Variants in BTBD1 observed in about 807,000 individuals in gnomAD.
The protein encoded by BTBD1 is BTB domain containing 1.
BTBD1 carries 34 observed loss-of-function variants against 48.0 expected under a neutral mutation model. That is an observed-to-expected ratio of 0.71 (90% CI 0.54 to 0.94). BTBD1 has a LOEUF of 0.94. Ranked by LOEUF, BTBD1 falls within the 40% of genes least tolerant of loss-of-function variation. BTBD1 has a pLI of 0.00. For missense variants in BTBD1, 543 were observed against 625.6 expected, an observed-to-expected ratio of 0.87 and a Z score of 1.41; for synonymous variants, 261 against 242.1, an observed-to-expected ratio of 1.08 and a Z score of -0.72.
intron 3 of BTBD1, chr15:83,044,669 G>T: frequency 1.3e-6 from 2 of 1,512,026 alleles, no homozygotes; most frequent in Non-Finnish European, 9.1e-7. Flanking sequence ...AGTGGGATGG[G>T]AAGGAAAACA....
chr15:83,056,890 T>C (rs2033096503), intron 1 of BTBD1, among the ~76,000 whole-genome samples: 2 of 152,026 alleles, frequency 1.3e-5, no homozygotes, highest in Non-Finnish European at 2.9e-5. Context: ...AGAGACAGGT[T>C]TCACCATATT....
chr15:83,016,660 GTTAA>G lies in BTBD1; in HGVS notation c.*1403_*1406del, dbSNP rs2032172679. 6.6e-6 allele frequency: 1 copy of G among 152,014 alleles called. No individual in the cohort carries two copies. The highest frequency in any genetic ancestry group is 2.4e-5 in the African/African-American group (1 of 41,402). 9.4% of individuals were successfully genotyped at this position (152,014 alleles called of 1,614,324 possible). On this transcript the variant is annotated 3_prime_UTR_variant, in exon 8 of 8. Coordinates refer to ENST00000261721, the MANE Select transcript of BTBD1 (RefSeq NM_025238.4). ...AATGGTTACTACAGAGTGTTTACTG[GTTAA>G]TTTTTAGTTAACCAGAACCACACAT... is the stretch of plus-strand genomic sequence containing the variant.
intron 5 of BTBD1, chr15:83,028,519 T>C (rs941311932): frequency 6.6e-6 from 1 of 152,176 alleles, no homozygotes; most frequent in Non-Finnish European, 1.5e-5. Flanking sequence ...GATGCCTATA[T>C]AAGGGTTATG....
intron 2 of BTBD1, among the ~76,000 whole-genome samples, chr15:83,052,208 A>G (rs1310659081): frequency 1.3e-5 from 2 of 151,936 alleles, no homozygotes; most frequent in Non-Finnish European, 2.9e-5. Flanking sequence ...CCACCTGCCC[A>G]AAGTGTTGGG....
intron 3 of BTBD1, among the ~76,000 whole-genome samples, chr15:83,049,393 A>C (rs976485697): frequency 2.0e-5 from 3 of 152,214 alleles, no homozygotes; most frequent in Non-Finnish European, 4.4e-5. Context: ...TCAACATTAT[A>C]ATGAAACGAC....
Position 83,032,399 on chromosome 15 carries a change from TAAGTCATTACATGAAA to T in BTBD1, c.863-2087_863-2072del, listed in dbSNP as rs1487827089. Among the ~76,000 whole-genome samples the T allele has an allele frequency of 2.6e-5, 4 of 151,070 alleles. No homozygotes were observed. The East Asian group carries it at 7.8e-4, about 29-fold the overall frequency. On this transcript the variant is annotated intron_variant, in intron 4 of 7. Transcript: ENST00000261721. ...CACTGGATACCTACCCAAAGGAAAATAAGTCATTACATGAAAAAGATACTTGCACGTACATGTTTAT... is the reference window on the plus strand; with the variant it reads ...CACTGGATACCTACCCAAAGGAAAATAAGATACTTGCACGTACATGTTTAT...
At chr15:83,044,283 G>A in intron 3 of BTBD1, 1 of 701,024 alleles carries the variant, frequency 1.4e-6, no homozygotes, top group South Asian at 1.6e-5. Context: ...TTTCTCAAAG[G>A]GTCAAAATAA....
At chr15:83,044,717 G>C in intron 3 of BTBD1, 1 of 1,465,320 alleles carries the variant, frequency 6.8e-7, no homozygotes, top group Admixed American at 1.7e-5. Flanking sequence ...AATTAGTGGT[G>C]TACTGTGTCA....
chr15:83,039,101 T>C (rs1011853508), intron 4 of BTBD1, among the ~76,000 whole-genome samples: 1 of 151,726 alleles, frequency 6.6e-6, no homozygotes, highest in Non-Finnish European at 1.5e-5. Context: ...GGACAACCTA[T>C]AGAATGGGAG....
intron 5 of BTBD1, among the ~76,000 whole-genome samples, chr15:83,025,826 G>A (rs771010541): frequency 2.0e-5 from 3 of 151,886 alleles, no homozygotes; most frequent in Non-Finnish European, 2.9e-5. Flanking sequence ...CTGGAGTGCA[G>A]TGGCGTGGTC....
intron 3 of BTBD1, among the ~76,000 whole-genome samples, chr15:83,048,296 A>G (rs2032916586): frequency 6.6e-6 from 1 of 152,344 alleles, no homozygotes; most frequent in African/African-American, 2.4e-5. Flanking sequence ...AGAGGAATCA[A>G]TGGTTCTCCT....
At chr15:83,038,432 C>T (rs990493335) in intron 4 of BTBD1, among the ~76,000 whole-genome samples, 2 of 152,140 alleles carry the variant, frequency 1.3e-5, no homozygotes, top group East Asian at 1.9e-4. Flanking sequence ...ATTATATGCT[C>T]GTGGATTGGA....
At chr15:83,051,875 T>TACAC (rs1187803458) in intron 2 of BTBD1, among the ~76,000 whole-genome samples, 1,189 of 43,712 alleles carry the variant, frequency 0.027, 19 homozygotes, top group African/African-American at 0.057. Flanking sequence ...TTTCCATATA[T>TACAC]ATACACACAC....
rs546196674 is a variant in BTBD1, at chr15:83,022,900, C to T, written c.1056-2138G>A. On this transcript the variant is annotated intron_variant, in intron 5 of 7. Coordinates refer to ENST00000261721, the MANE Select transcript of BTBD1 (RefSeq NM_025238.4). The stretch of plus-strand genomic sequence containing the variant: ...CGCTTGAACCTGGAGGCAGAGATTG[C>T]AGTGAGCCAAGACTGCACCACTGCA... 7.9e-5 allele frequency among the ~76,000 whole-genome samples: 12 copies of T among 151,344 alleles called. No individual in the cohort carries two copies. The South Asian group carries it at 2.3e-3, about 29-fold the overall frequency.
At chr15:83,045,045 A>G (rs186034460) in intron 3 of BTBD1, among the ~76,000 whole-genome samples, 2 of 152,382 alleles carry the variant, frequency 1.3e-5, no homozygotes, top group Admixed American at 1.3e-4. Flanking sequence ...AAGAACCTAG[A>G]TAAAACAGGC....
At chr15:83,031,767 T>TA (rs1238521337) in intron 4 of BTBD1, among the ~76,000 whole-genome samples, 1 of 150,850 alleles carries the variant, frequency 6.6e-6, no homozygotes, top group African/African-American at 2.4e-5. Flanking sequence ...CCCTAGAACT[T>TA]AAAGTATAAT....
In BTBD1 at chr15:83,017,899, A is replaced by T; in HGVS notation, c.*168T>A. 2.4e-6 allele frequency: 1 copy of T among 417,258 alleles called. No individual in the cohort carries two copies. The highest frequency in any genetic ancestry group is 4.2e-6 in the Non-Finnish European group (1 of 240,814). 25.8% of individuals were successfully genotyped at this position (417,258 alleles called of 1,614,324 possible). A position where few individuals can be genotyped will look rare whatever the true frequency, so the allele number is the denominator to read the frequency against. Reference sequence around the variant, plus strand: ...GTAAGAAAATGGAAAATCTGTTTTTAAATCATGCAAAGATTTAAATAAGCA... The same window carrying T: ...GTAAGAAAATGGAAAATCTGTTTTTTAATCATGCAAAGATTTAAATAAGCA... On this transcript the variant is annotated 3_prime_UTR_variant, in exon 8 of 8. Coordinates refer to ENST00000261721, the MANE Select transcript of BTBD1 (RefSeq NM_025238.4).
intron 2 of BTBD1, among the ~76,000 whole-genome samples, chr15:83,051,574 G>C (rs968311040): frequency 6.6e-6 from 1 of 150,822 alleles, no homozygotes; most frequent in African/African-American, 2.4e-5. Flanking sequence ...ATTATACACT[G>C]AGCCTGTTTA....
chr15:83,060,078 A>G (rs2033152516), intron 1 of BTBD1, among the ~76,000 whole-genome samples: 1 of 152,206 alleles, frequency 6.6e-6, no homozygotes, highest in Non-Finnish European at 1.5e-5. Flanking sequence ...AAACAGTACC[A>G]GGCACATTAT....
Sources: allele counts gnomAD v4.1 joint callset (sites outside exome capture counted in the v4.1 genomes callset), GRCh38; gene constraint gnomAD v4.1.1; transcripts MANE v1.5; gene names NCBI Gene and HGNC (gene_info 2026-07-23, HGNC 2026-07-21).